Variants in EXOC4 observed in about 807,000 individuals in gnomAD.
The protein encoded by EXOC4 is exocyst complex component 4.
In EXOC4, 71 loss-of-function variants were observed where a neutral mutation model predicts 107.2. That is an observed-to-expected ratio of 0.66 (90% CI 0.55 to 0.81). EXOC4 has a LOEUF of 0.81. Ranked by LOEUF, EXOC4 falls within the 30% of genes least tolerant of loss-of-function variation. EXOC4 has a pLI of 0.00. For synonymous variants in EXOC4, 456 were observed against 441.2 expected (o/e 1.03, Z -0.42); for missense variants, 1,108 against 1,189.6 (o/e 0.93, Z 1.01).
rs534314490 is a variant in EXOC4, at chr7:133,844,640, G to A, written c.1734+27096G>A. Among the ~76,000 whole-genome samples, 53 of 151,738 alleles carry A rather than the reference G, an allele frequency of 3.5e-4. 1 individual carries two copies. Among genetic ancestry groups the A allele is most frequent in the South Asian group, 2.1e-3 (10 of 4,786 alleles). ...CTTGATCTTGTGATCTGCCTGCCTC[G>A]GCCTCACAAAGCTCTGGGATTACAA... On this transcript the variant is annotated intron_variant, in intron 11 of 17. Transcript: ENST00000253861.
intron 10 of EXOC4, among the ~76,000 whole-genome samples, chr7:133,685,706 A>G (rs1794282555): frequency 6.6e-6 from 1 of 152,230 alleles, no homozygotes; most frequent in Non-Finnish European, 1.5e-5. Context: ...AAGAACAAGT[A>G]TACCTCTAAA....
chr7:133,905,591 G>C (rs1010914220), intron 12 of EXOC4, among the ~76,000 whole-genome samples: 1 of 151,956 alleles, frequency 6.6e-6, no homozygotes, highest in Non-Finnish European at 1.5e-5. Flanking sequence ...GCAGTTTTCG[G>C]AAGTTTCTCT....
At chr7:133,965,767 C>T (rs1040496827) in intron 14 of EXOC4, among the ~76,000 whole-genome samples, 6 of 152,146 alleles carry the variant, frequency 3.9e-5, no homozygotes, top group Admixed American at 1.3e-4. Context: ...ATGATGCCTC[C>T]AGCTTTGTTC....
chr7:133,327,615 C>T (rs1218023948), intron 5 of EXOC4, among the ~76,000 whole-genome samples: 1 of 152,112 alleles, frequency 6.6e-6, no homozygotes. Flanking sequence ...TTAAATGTGT[C>T]CCAGAGATTT....
chr7:133,388,603 T>C (rs1175851662), intron 7 of EXOC4, among the ~76,000 whole-genome samples: 1 of 152,130 alleles, frequency 6.6e-6, no homozygotes, highest in Non-Finnish European at 1.5e-5. Context: ...TGAGCCGAGA[T>C]TGTGCCACTG....
chr7:133,532,168 G>A (rs1800193193), intron 9 of EXOC4, among the ~76,000 whole-genome samples: 1 of 152,084 alleles, frequency 6.6e-6, no homozygotes, highest in Non-Finnish European at 1.5e-5. Flanking sequence ...GGAATGCTCA[G>A]TCTGTACCCA....
intron 14 of EXOC4, among the ~76,000 whole-genome samples, chr7:133,942,269 C>CT (rs879804373): frequency 5.3e-4 from 77 of 144,232 alleles, no homozygotes; most frequent in African/African-American, 1.0e-3. Context: ...TCTAGGAAGT[C>CT]TTTTTTTTTT....
chr7:133,417,402 G>A (rs1010121942), intron 7 of EXOC4, among the ~76,000 whole-genome samples: 1 of 152,102 alleles, frequency 6.6e-6, no homozygotes, highest in Non-Finnish European at 1.5e-5. Context: ...GTCTGACTGC[G>A]TGTCAACTGA....
intron 11 of EXOC4, among the ~76,000 whole-genome samples, chr7:133,877,458 C>G (rs560701448): frequency 3.2e-4 from 49 of 152,208 alleles, no homozygotes; most frequent in Middle Eastern, 3.4e-3. Flanking sequence ...TCATGTCAAC[C>G]TTGCTTCTAG....
At chr7:133,717,939 C>T (rs566598143) in intron 10 of EXOC4, among the ~76,000 whole-genome samples, 1 of 152,176 alleles carries the variant, frequency 6.6e-6, no homozygotes, top group African/African-American at 2.4e-5. Context: ...TAAGGAGAAT[C>T]AGGGACTTCT....
intron 9 of EXOC4, among the ~76,000 whole-genome samples, chr7:133,608,227 T>G (rs1210127494): frequency 6.6e-6 from 1 of 152,142 alleles, no homozygotes; most frequent in Non-Finnish European, 1.5e-5. Context: ...CATTTTCCCT[T>G]GAAAAAACAG....
chr7:133,530,461 C>CTAT (rs1489432596), intron 9 of EXOC4, among the ~76,000 whole-genome samples: 1 of 152,090 alleles, frequency 6.6e-6, no homozygotes, highest in African/African-American at 2.4e-5. Context: ...TGTTATTGTA[C>CTAT]TGAATAGGGT....
intron 12 of EXOC4, among the ~76,000 whole-genome samples, chr7:133,916,281 G>A (rs1016375962): frequency 3.9e-5 from 6 of 152,208 alleles, no homozygotes; most frequent in Non-Finnish European, 7.4e-5. Context: ...AACGCTCACT[G>A]GCCCGCTGCT....
intron 9 of EXOC4, among the ~76,000 whole-genome samples, chr7:133,528,571 A>G (rs1171842875): frequency 6.6e-6 from 1 of 152,080 alleles, no homozygotes; most frequent in Non-Finnish European, 1.5e-5. Flanking sequence ...ATGGCCTTTT[A>G]TATGTTGATT....
chr7:133,969,608 C>G (rs148134775), intron 14 of EXOC4, among the ~76,000 whole-genome samples: 96 of 152,296 alleles, frequency 6.3e-4, no homozygotes, highest in African/African-American at 2.2e-3. Context: ...TGCTGTAGGT[C>G]TGCTGGAGTT....
chr7:133,672,265 C>T (rs11761945), intron 10 of EXOC4, among the ~76,000 whole-genome samples: 44,418 of 151,488 alleles, frequency 0.29, 6,824 homozygotes, highest in South Asian at 0.43. Flanking sequence ...GTGGCGGGCA[C>T]CTGTAGTCCC....
intron 6 of EXOC4, among the ~76,000 whole-genome samples, chr7:133,370,700 T>C (rs1796355229): frequency 6.6e-6 from 1 of 152,180 alleles, no homozygotes; most frequent in Non-Finnish European, 1.5e-5. Context: ...GGCTTAGTGA[T>C]TTTGGGGTCG....
At chr7:134,089,073 A>G in the EXOC4 span, among the ~76,000 whole-genome samples, 2 of 152,194 alleles carry the variant, frequency 1.3e-5, no homozygotes, top group Non-Finnish European at 2.9e-5. Flanking sequence ...GCAGATTATA[A>G]GCAGGTTTTT....
chr7:134,067,003 T>C (rs1796186351), downstream of EXOC4, among the ~76,000 whole-genome samples: 5 of 151,424 alleles, frequency 3.3e-5, no homozygotes, highest in South Asian at 1.0e-3. Flanking sequence ...ATACAAAAAT[T>C]AGCTGGTGTG....
Sources: allele counts gnomAD v4.1 joint callset (sites outside exome capture counted in the v4.1 genomes callset), GRCh38; gene constraint gnomAD v4.1.1; transcripts MANE v1.5; gene names NCBI Gene and HGNC (gene_info 2026-07-23, HGNC 2026-07-21).